B4GALNT2: variants seen among roughly 807,000 people sequenced by gnomAD.
The protein encoded by B4GALNT2 is N-acetylneuraminylgalactosylglucosyl-glucoside beta-1,4-N- acetylgalactosaminyltransferase 2.
B4GALNT2 carries 42 observed loss-of-function variants against 51.1 expected under a neutral mutation model. The ratio of observed to expected loss-of-function variants is 0.82; its 90% CI spans 0.64 to 1.06. The LOEUF (loss-of-function observed/expected upper bound fraction) is 1.06. B4GALNT2 is among the 50% of genes least tolerant of loss of function. The pLI is 0.00. For synonymous variants in B4GALNT2, 253 were observed against 251.7 expected (o/e 1.01, Z -0.05); for missense variants, 602 against 633.6 (o/e 0.95, Z 0.54).
chr17:49,146,000 C>T (rs754604979), intron 3 of B4GALNT2, among the ~76,000 whole-genome samples: 1 of 152,120 alleles, frequency 6.6e-6, no homozygotes, highest in Non-Finnish European at 1.5e-5. Context: ...GTTGCGGGAA[C>T]AGGAAGCAAA....
At chr17:49,127,493 C>T (rs1207480490), upstream of B4GALNT2, among the ~76,000 whole-genome samples, 2 of 152,148 alleles carry the variant, frequency 1.3e-5, no homozygotes, top group African/African-American at 4.8e-5. Context: ...CTGAAGGTCC[C>T]ACAACTTTTA....
At chr17:49,160,461 C>A (rs2042852838) in intron 6 of B4GALNT2, 94 bp from the exon 7 acceptor site, 7 of 1,169,236 alleles carry the variant, frequency 6.0e-6, no homozygotes, top group South Asian at 1.2e-5. Flanking sequence ...CCCCACCAAA[C>A]CTGTACTCGC....
At chr17:49,131,044 G>A (rs115075246), upstream of B4GALNT2, among the ~76,000 whole-genome samples, 529 of 152,248 alleles carry the variant, frequency 3.5e-3, 3 homozygotes, top group African/African-American at 0.012. Context: ...GAAAATCCTA[G>A]CCCCATTACT....
chr17:49,153,454 G>T (rs1277626933), intron 4 of B4GALNT2, among the ~76,000 whole-genome samples: 1 of 151,244 alleles, frequency 6.6e-6, no homozygotes, highest in Non-Finnish European at 1.5e-5. Flanking sequence ...GTATGGAGCA[G>T]ACATTCATTG....
chr17:49,169,429 T>A, intron 10 of B4GALNT2, 94 bp from the exon 11 acceptor site: 2 of 1,210,290 alleles, frequency 1.7e-6, no homozygotes, highest in Non-Finnish European at 2.4e-6. Context: ...ATGAACTGTG[T>A]CCTCTCCCTG....
At chr17:49,128,429 T>A (rs1339854612), upstream of B4GALNT2, among the ~76,000 whole-genome samples, 1 of 151,368 alleles carries the variant, frequency 6.6e-6, no homozygotes, top group African/African-American at 2.4e-5. Flanking sequence ...GCAGAGGGGG[T>A]TCATCTGCAG....
At position 49,173,207 on chromosome 17, in the gene B4GALNT2, G is replaced by A. The variant is rs1463303089; in HGVS notation, c.*3479G>A. 6.6e-6 allele frequency: 1 copy of A among 152,218 alleles called. No individual in the cohort carries two copies. Among genetic ancestry groups the A allele is most frequent in the Non-Finnish European group, 1.5e-5 (1 of 68,050 alleles). The allele number at this position is 152,218 out of a possible 1,614,324, so 9.4% of individuals were successfully genotyped here. On this transcript the variant is annotated 3_prime_UTR_variant, in exon 11 of 11. Transcript: ENST00000393354. ...ACTCCTGACTGCTGTTTGCAATTGG[G>A]TAAATAAAGCCATCAGTTGCTCATC... is the stretch of plus-strand genomic sequence containing the variant.
chr17:49,133,015 C>A, intron 1 of B4GALNT2: 1 of 1,474,410 alleles, frequency 6.8e-7, no homozygotes, highest in African/African-American at 1.5e-5. Flanking sequence ...ACGAACTCTG[C>A]ACCCCCAGGA....
intron 1 of B4GALNT2, among the ~76,000 whole-genome samples, chr17:49,134,432 T>C (rs1170442574): frequency 6.6e-6 from 1 of 152,212 alleles, no homozygotes; most frequent in Non-Finnish European, 1.5e-5. Context: ...TGAGATGCAG[T>C]CTTGCTCCAT....
chr17:49,160,496 G>A lies in B4GALNT2; in HGVS notation c.680-59G>A, dbSNP rs1256509134. The A allele has an allele frequency of 2.7e-6, 4 of 1,505,974 alleles. No individual in the cohort carries two copies. In the African/African-American group the frequency reaches 5.5e-5, roughly 21 times the overall value. The allele number at this position is 1,505,974 out of a possible 1,614,324, so 93.3% of individuals were successfully genotyped here. On this transcript the variant is annotated intron_variant, in intron 6 of 10. Coordinates refer to ENST00000393354, the MANE Select transcript of B4GALNT2 (RefSeq NM_001159387.2). ...CCTGTCATGGTGGCTTCCCGGGGTG[G>A]CATGGAGTTTAATCCAGACATGATA...
Position 49,171,656 on chromosome 17 carries a change from T to C in B4GALNT2, c.*1928T>C. The C allele has an allele frequency of 2.6e-6, 1 of 389,812 alleles. No homozygotes were observed. Among genetic ancestry groups the C allele is most frequent in the South Asian group, 2.0e-5 (1 of 50,656 alleles). 24.1% of individuals were successfully genotyped at this position (389,812 alleles called of 1,614,324 possible). On this transcript the variant is annotated 3_prime_UTR_variant, in exon 11 of 11. Coordinates refer to ENST00000393354, the MANE Select transcript of B4GALNT2 (RefSeq NM_001159387.2). ...TTACCATTTCTACCATCTGACTGTT[T>C]TGTTTAGACCAGCTGAACATAGTGT...
intron 4 of B4GALNT2, among the ~76,000 whole-genome samples, chr17:49,155,897 TTG>T: frequency 6.6e-6 from 1 of 151,732 alleles, no homozygotes; most frequent in African/African-American, 2.4e-5. Flanking sequence ...CAATTTTTTT[TTG>T]TGTGTTTTTA....
At chr17:49,134,532 A>G (rs8074666) in intron 1 of B4GALNT2, among the ~76,000 whole-genome samples, 89,354 of 151,968 alleles carry the variant, frequency 0.59, 27,566 homozygotes, top group African/African-American at 0.79. Context: ...AGCCTCCCGA[A>G]TAGCTGGGAT....
chr17:49,169,566 C>A lies in B4GALNT2; in HGVS notation c.1359C>A (p.Cys453Ter). ...DGLGTLLVGS[C>*]PEVIIGHQSR... ...TAGGGACCCTACTCGTGGGGTCATGCCCAGAAGTGATTATAGGTCACCAGT... is the reference window on the plus strand; with the variant it reads ...TAGGGACCCTACTCGTGGGGTCATGACCAGAAGTGATTATAGGTCACCAGT... Residue 453 changes from cysteine to a stop codon, truncating the protein, a stop_gained, in exon 11 of 11, where the codon TGC becomes TGA. Coordinates refer to ENST00000393354, the MANE Select transcript of B4GALNT2 (RefSeq NM_001159387.2). LOFTEE classifies it low-confidence loss of function (END_TRUNC). The A allele has an allele frequency of 6.2e-7, 1 of 1,612,630 alleles. No individual in the cohort carries two copies. The highest frequency in any genetic ancestry group is 8.5e-7 in the Non-Finnish European group (1 of 1,180,000).
chr17:49,152,825 C>G lies in B4GALNT2; in HGVS notation c.379C>G (p.Leu127Val), dbSNP rs372151326. 11 of 1,608,628 alleles carry G rather than the reference C, an allele frequency of 6.8e-6. No homozygotes were observed. The Admixed American group carries it at 8.4e-5, about 12-fold the overall frequency. The change falls in exon 4 of 11, where the codon CTG (leucine) becomes GTG (valine). Residue 127 changes from leucine (L) to valine (V), a missense_variant. By Grantham distance (32) the Leu-to-Val change is conservative (BLOSUM62 1). Coordinates refer to ENST00000393354, the MANE Select transcript of B4GALNT2 (RefSeq NM_001159387.2). ...AGAAGGGCTGCCCCGCCCACTGCCC[C>G]TGCTGGTCCAGCCCAACCTCCCCTT... ...RREGLPRPLPLLVQPNLPFGY... is the reference protein window; with the variant it reads ...RREGLPRPLPVLVQPNLPFGY...
At chr17:49,148,459 G>T in intron 3 of B4GALNT2, 1 of 295,310 alleles carries the variant, frequency 3.4e-6, no homozygotes, top group South Asian at 3.1e-5. Context: ...CCACTTGTGG[G>T]TCTTGCAGGT....
At chr17:49,162,050 C>T (rs1029051381) in intron 7 of B4GALNT2, among the ~76,000 whole-genome samples, 5 of 151,592 alleles carry the variant, frequency 3.3e-5, no homozygotes, top group South Asian at 2.1e-4. Flanking sequence ...TGCAGTGGCA[C>T]GATCTCCGCT....
chr17:49,142,166 A>G lies in B4GALNT2; in HGVS notation c.347A>G (p.Gln116Arg), dbSNP rs374155308. 91 of 1,614,110 alleles carry G rather than the reference A, an allele frequency of 5.6e-5. 1 individual carries two copies. In the African/African-American group the frequency reaches 1.2e-3, roughly 21 times the overall value. ...AGACAGGCTGAATTTGAACACTTTC[A>G]GAGGAGGTAATGCGGGTCATGAAGG... ...ARRQAEFEHF[Q>R]RREGLPRPLP... is the part of the protein sequence containing the mutation. The change falls in exon 3 of 11, where the codon CAG (glutamine) becomes CGG (arginine). Residue 116 changes from glutamine to arginine, a missense_variant. Transcript: ENST00000393354.
intron 8 of B4GALNT2, among the ~76,000 whole-genome samples, chr17:49,164,984 T>A (rs569847051): frequency 1.2e-4 from 18 of 152,064 alleles, no homozygotes; most frequent in Admixed American, 5.2e-4. Context: ...GCTAATTTTT[T>A]AAATTTTTTT....
Sources: allele counts gnomAD v4.1 joint callset (sites outside exome capture counted in the v4.1 genomes callset), GRCh38; gene constraint gnomAD v4.1.1; transcripts MANE v1.5; gene names NCBI Gene and HGNC (gene_info 2026-07-23, HGNC 2026-07-21).